The following MOSPD1 variants were observed in gnomAD, a reference collection of about 807,000 sequenced individuals.
MOSPD1 encodes motile sperm domain containing 1, also known as motile sperm domain-containing protein 1.
In MOSPD1, 5 loss-of-function variants were observed where a neutral mutation model predicts 16.7. The ratio of observed to expected loss-of-function variants is 0.30; its 90% confidence interval spans 0.16 to 0.63. MOSPD1 has a LOEUF of 0.63. Ranked by LOEUF, MOSPD1 falls within the 30% of genes least tolerant of loss-of-function variation. The pLI, the probability that MOSPD1 is intolerant of heterozygous loss-of-function variation, is 0.82. For synonymous variants in MOSPD1, 67 were observed against 59.2 expected (o/e 1.13, Z -0.61); for missense variants, 104 against 153.6 (o/e 0.68, Z 1.71).
chrX:134,909,986 G>A (rs755505516), intron 1 of MOSPD1, among the ~76,000 whole-genome samples: 1 of 111,836 alleles, frequency 8.9e-6, no homozygotes, highest in Non-Finnish European at 1.9e-5. Flanking sequence ...TATAATTAAT[G>A]TGTTGTTTCC....
intron 5 of MOSPD1, 79 bp downstream of exon 5, chrX:134,891,400 A>G (rs2082862314): frequency 9.8e-7 from 1 of 1,022,533 alleles, no homozygotes; most frequent in Middle Eastern, 2.7e-4. Context: ...GGAAAAAAAA[A>G]AAAAATCAAA....
At chrX:134,909,712 G>A (rs780318921) in intron 1 of MOSPD1, among the ~76,000 whole-genome samples, 14 of 111,950 alleles carry the variant, frequency 1.3e-4, no homozygotes, top group African/African-American at 4.5e-4. Flanking sequence ...CATAACAAGT[G>A]ATGTTCTAAT....
chrX:134,910,852 T>C (rs778986265), intron 1 of MOSPD1, among the ~76,000 whole-genome samples: 8 of 112,234 alleles, frequency 7.1e-5, no homozygotes, highest in African/African-American at 2.6e-4. Flanking sequence ...TGATTCCCTA[T>C]GCCAGTGGTT....
intron 3 of MOSPD1, among the ~76,000 whole-genome samples, chrX:134,897,433 T>C (rs1361949343): frequency 2.8e-5 from 3 of 107,725 alleles, no homozygotes; most frequent in African/African-American, 1.0e-4. Flanking sequence ...CTGGTGTGCG[T>C]GTAGTCCTAG....
At chrX:134,908,287 T>C (rs1569469493) in intron 1 of MOSPD1, among the ~76,000 whole-genome samples, 1 of 111,669 alleles carries the variant, frequency 9.0e-6, no homozygotes, top group South Asian at 3.7e-4. Context: ...CTGGGGAACA[T>C]TCCCCCCACC....
chrX:134,901,941 T>C (rs910707870), intron 1 of MOSPD1, among the ~76,000 whole-genome samples: 2 of 112,463 alleles, frequency 1.8e-5, no homozygotes, highest in Non-Finnish European at 3.7e-5. Flanking sequence ...CTAATATTTG[T>C]ATAATTCATA....
chrX:134,889,181 TTG>T lies in MOSPD1; in HGVS notation c.620_621del (p.Thr207AsnfsTer5). On this transcript the variant is annotated frameshift_variant, in exon 6 of 6. Transcript: ENST00000370783. LOFTEE classifies it high-confidence loss of function. ...CTTGCTCATGTTCTAAGTATGGCCA[TTG>T]TGATAAGACCTGAAAGAAGAAAAAT... ...LVAAYILGLI[T>X]MAILRT The T allele has an allele frequency of 8.4e-7, 1 of 1,194,974 alleles. No homozygotes were observed. The highest frequency in any genetic ancestry group is 1.1e-6 in the Non-Finnish European group (1 of 885,380).
rs145184441 is a variant in MOSPD1, at chrX:134,902,618, T to C, written c.-101-3084A>G. 4.4e-3 allele frequency among the ~76,000 whole-genome samples: 478 copies of C among 107,878 alleles called. 2 individuals are homozygous for C. Among genetic ancestry groups the C allele is most frequent in the African/African-American group, 0.014 (407 of 29,658 alleles). 93.7% of individuals were successfully genotyped at this position (107,878 alleles called of 115,157 possible). A position where few individuals can be genotyped will look rare whatever the true frequency, so the allele number is the denominator to read the frequency against. ...AATCATCCTGGGCAATATGGCAAAA[T>C]CCTGTCTCTACAAAGAATACAAAAA... On this transcript the variant is annotated intron_variant, in intron 1 of 5. Transcript: ENST00000370783.
intron 3 of MOSPD1, among the ~76,000 whole-genome samples, chrX:134,898,698 T>C (rs1461226096): frequency 1.8e-5 from 2 of 112,100 alleles, no homozygotes; most frequent in African/African-American, 6.5e-5. Context: ...ATTACCCTTG[T>C]TCTTAGACTG....
intron 1 of MOSPD1, among the ~76,000 whole-genome samples, chrX:134,914,426 G>A (rs2082988048): frequency 9.0e-6 from 1 of 111,067 alleles, no homozygotes; most frequent in Admixed American, 9.6e-5. Context: ...CCTGACTGGG[G>A]CCCAGCCTTC....
rs1346920201 is a variant in MOSPD1 at position 134,896,852 on chromosome X, G to A, written c.413C>T (p.Thr138Ile). 1 of 1,211,016 alleles carries A rather than the reference G, an allele frequency of 8.3e-7. No individual in the cohort carries two copies. The highest frequency in any genetic ancestry group is 1.8e-5 in the South Asian group (1 of 56,939). ...EEEKRLKEHL[T>I]ESLFFEQSFQ... Reference sequence around the variant, plus strand: ...CGACTGCTCAAAAAATAAACTTTCAGTTAAATGTTCCTTTAATCTTTTTTC... The same window carrying A: ...CGACTGCTCAAAAAATAAACTTTCAATTAAATGTTCCTTTAATCTTTTTTC... Residue 138 changes from threonine (T) to isoleucine (I), a missense_variant, in exon 4 of 6, where the codon ACT (threonine) becomes ATT (isoleucine). Coordinates refer to ENST00000370783, the MANE Select transcript of MOSPD1 (RefSeq NM_019556.3).
chrX:134,912,620 G>A (rs2082977750), intron 1 of MOSPD1, among the ~76,000 whole-genome samples: 1 of 106,551 alleles, frequency 9.4e-6, no homozygotes. Flanking sequence ...GACCACAGGT[G>A]CCAAGCCACT....
At chrX:134,899,054 C>T in intron 3 of MOSPD1, 36 bp downstream of exon 3, 1 of 1,054,457 alleles carries the variant, frequency 9.5e-7, no homozygotes, top group Middle Eastern at 2.8e-4. Flanking sequence ...TATTAACACA[C>T]TTAAAACGTG....
intron 4 of MOSPD1, among the ~76,000 whole-genome samples, chrX:134,891,995 G>A (rs1049799012): frequency 2.7e-5 from 3 of 112,186 alleles, no homozygotes; most frequent in Non-Finnish European, 5.6e-5. Flanking sequence ...TCTGTACTGT[G>A]TTATGCTTAA....
Position 134,891,581 on chromosome X carries a change from T to C in MOSPD1, c.508A>G (p.Ile170Val). The C allele has an allele frequency of 8.3e-7, 1 of 1,211,052 alleles. No homozygotes were observed. The highest frequency in any genetic ancestry group is 1.7e-5 in the African/African-American group (1 of 57,787). Residue 170 changes from isoleucine (I) to valine (V), a missense_variant, in exon 5 of 6, where the codon ATT (isoleucine) becomes GTT (valine). Ile to Val is a conservative substitution (Grantham distance 29). Around this residue, in one of 3 missense-constraint regions of MOSPD1, gnomAD observed 68 missense variants for 73.1 expected, o/e 0.93. Transcript: ENST00000370783. ...AGTGTAGGCAGCATCAGGGCTGCAA[T>C]GCACACCACTCCCAGGAAGACAGTT... ...LLTVFLGVVCIAALMLPTLGD... is the reference protein window; with the variant it reads ...LLTVFLGVVCVAALMLPTLGD...
At chrX:134,890,181 C>A (rs1284596945) in intron 5 of MOSPD1, among the ~76,000 whole-genome samples, 5 of 110,115 alleles carry the variant, frequency 4.5e-5, no homozygotes, top group African/African-American at 1.7e-4. Context: ...AGAACCGGGC[C>A]GCTAGAGGAG....
At chrX:134,900,521 C>T (rs949794093) in intron 1 of MOSPD1, among the ~76,000 whole-genome samples, 2 of 111,651 alleles carry the variant, frequency 1.8e-5, no homozygotes, top group Non-Finnish European at 3.8e-5. Context: ...ATGTGAGTGG[C>T]ACTGTGCCTC....
intron 5 of MOSPD1, among the ~76,000 whole-genome samples, chrX:134,890,796 G>A (rs771691981): frequency 3.6e-5 from 4 of 111,098 alleles, no homozygotes; most frequent in Non-Finnish European, 7.5e-5. Flanking sequence ...CAACAAGAGC[G>A]AAATTCCGTC....
intron 1 of MOSPD1, among the ~76,000 whole-genome samples, chrX:134,903,295 T>C (rs1270309218): frequency 9.0e-6 from 1 of 110,504 alleles, no homozygotes; most frequent in Non-Finnish European, 1.9e-5. Context: ...AAAAGTAAAA[T>C]TAAAAAATAA....
Sources: allele counts gnomAD v4.1 joint callset (sites outside exome capture counted in the v4.1 genomes callset), GRCh38; gene constraint gnomAD v4.1.1; regional missense constraint gnomAD v4.1.1; transcripts MANE v1.5; gene names NCBI Gene and HGNC (gene_info 2026-07-23, HGNC 2026-07-21).